DAPK3: variants seen among roughly 807,000 people sequenced by gnomAD.
DAPK3 encodes the protein death associated protein kinase 3.
A neutral mutation model predicts 30.6 loss-of-function variants in DAPK3; 24 were observed. The observed-to-expected ratio is 0.78, with a 90% CI of 0.57 to 1.10. DAPK3 has a LOEUF of 1.10. DAPK3 is among the 50% of genes least tolerant of loss of function. The probability of loss-of-function intolerance (pLI) is 0.00; values close to 1 mark genes in which losing one functional copy is unlikely to be tolerated. For missense variants in DAPK3, 629 were observed against 657.3 expected, an observed-to-expected ratio of 0.96 and a Z score of 0.47; for synonymous variants, 341 against 284.0, an observed-to-expected ratio of 1.20 and a Z score of -2.02.
intron 7 of DAPK3, among the ~76,000 whole-genome samples, chr19:3,960,480 A>T (rs1198411492): frequency 6.6e-6 from 1 of 152,080 alleles, no homozygotes; most frequent in African/African-American, 2.4e-5. Context: ...TTTGCTAAAA[A>T]CACAGCAAGC....
intron 2 of DAPK3, among the ~76,000 whole-genome samples, chr19:3,965,652 C>T (rs535711841): frequency 1.3e-4 from 5 of 37,920 alleles, no homozygotes; most frequent in African/African-American, 7.4e-4. Flanking sequence ...GTGCCAGATC[C>T]GCTTTTTTTG....
chr19:3,962,779 C>T (rs1162667823), intron 6 of DAPK3, among the ~76,000 whole-genome samples: 2 of 91,490 alleles, frequency 2.2e-5, no homozygotes, highest in African/African-American at 9.3e-5. Flanking sequence ...AAGAGCGAAA[C>T]TCTGTCTCAA....
chr19:3,970,507 T>C (rs2039622979), intron 1 of DAPK3: 2 of 148,996 alleles, frequency 1.3e-5, no homozygotes, highest in Admixed American at 6.7e-5. Flanking sequence ...CAACCATCTC[T>C]GACTCCCTCC....
chr19:3,960,242 G>A (rs1319362340), intron 7 of DAPK3, 138 bp from the exon 8 acceptor site: 4 of 631,888 alleles, frequency 6.3e-6, no homozygotes, highest in South Asian at 6.0e-5. Context: ...GCTGAACAAG[G>A]GTACTGCAGG....
intron 6 of DAPK3, chr19:3,961,814 G>T (rs1398430066): frequency 3.8e-6 from 1 of 265,004 alleles, no homozygotes; most frequent in Non-Finnish European, 7.7e-6. Flanking sequence ...CCTCAGAGAG[G>T]ACAGGAGTGG....
intron 2 of DAPK3, among the ~76,000 whole-genome samples, 190 bp downstream of exon 2, chr19:3,969,484 T>C (rs899405312): frequency 6.6e-6 from 1 of 151,958 alleles, no homozygotes. Context: ...ACACAGAGGA[T>C]TCCCAAGCAG....
chr19:3,960,956 G>T, intron 7 of DAPK3, 53 bp downstream of exon 7: 1 of 1,591,718 alleles, frequency 6.3e-7, no homozygotes, highest in South Asian at 1.1e-5. Flanking sequence ...TCCGTGGGTG[G>T]AGTGGGCCTG....
At position 3,958,618 on chromosome 19, in the gene DAPK3, C is replaced by A. The variant is rs1375834386; in HGVS notation, c.*483G>T. On this transcript the variant is annotated 3_prime_UTR_variant, in exon 9 of 9. Coordinates refer to ENST00000545797, the MANE Select transcript of DAPK3 (RefSeq NM_001348.3). The stretch of plus-strand genomic sequence containing the variant: ...CACACAGTGGAAGACCCCACCAAGC[C>A]CGGCGCCACCCAGCAGCGTGGGGAC... 4.8e-6 allele frequency: 2 copies of A among 414,220 alleles called. No individual in the cohort carries two copies. Among genetic ancestry groups the A allele is most frequent in the East Asian group, 1.4e-4 (2 of 14,060 alleles). The allele number at this position is 414,220 out of a possible 1,614,324, so 25.7% of individuals were successfully genotyped here.
chr19:3,969,130 C>T (rs2039609196), intron 2 of DAPK3, among the ~76,000 whole-genome samples: 1 of 151,888 alleles, frequency 6.6e-6, no homozygotes, highest in Admixed American at 6.6e-5. Context: ...AGGATTAACA[C>T]AGGGAGATTT....
rs200471542 is a variant in DAPK3 at position 3,969,655 on chromosome 19, G to A, written c.62+19C>T. On this transcript the variant is annotated intron_variant, in intron 2 of 8. Coordinates refer to ENST00000545797, the MANE Select transcript of DAPK3 (RefSeq NM_001348.3). ...TCTCTCCTATCCCTGGAGCCCAGCC[G>A]TGCGGGCAGACAGCTCACCTGCCCA... The A allele has an allele frequency of 2.4e-5, 38 of 1,559,524 alleles. No individual in the cohort carries two copies. The East Asian group carries it at 6.3e-4, about 26-fold the overall frequency.
chr19:3,964,842 A>T lies in DAPK3; in HGVS notation c.212T>A (p.Ile71Asn). 2 of 1,612,960 alleles carry T rather than the reference A, an allele frequency of 1.2e-6. No individual in the cohort carries two copies. The highest frequency in any genetic ancestry group is 1.7e-6 in the Non-Finnish European group (2 of 1,179,436). The change falls in exon 3 of 9, where the codon ATC (isoleucine) becomes AAC (asparagine). Residue 71 changes from isoleucine to asparagine, a missense_variant. This residue lies in a region of DAPK3 where 306 missense variants were observed against 378.5 expected (regional missense o/e 0.81). Coordinates refer to ENST00000545797, the MANE Select transcript of DAPK3 (RefSeq NM_001348.3). ...CAGGGTGATGATGTTGGGGTGCCGG[A>T]TCTCCCGCAGGATGTTCACCTCCCG... The part of the protein sequence containing the change: ...IEREVNILRE[I>N]RHPNIITLHD...
intron 2 of DAPK3, 99 bp from the exon 3 acceptor site, chr19:3,965,090 G>T (rs111857872): frequency 1.3e-4 from 87 of 673,796 alleles, no homozygotes; most frequent in Non-Finnish European, 2.0e-4. Flanking sequence ...TCTTGGGCGC[G>T]GCCCTGCACC....
At chr19:3,961,699 T>C in intron 6 of DAPK3, 1 of 357,268 alleles carries the variant, frequency 2.8e-6, no homozygotes, top group East Asian at 7.4e-5. Flanking sequence ...GCAAAACACC[T>C]GACCCGTGAG....
intron 2 of DAPK3, among the ~76,000 whole-genome samples, chr19:3,967,092 G>C (rs2039585869): frequency 6.6e-6 from 1 of 152,168 alleles, no homozygotes; most frequent in Admixed American, 6.5e-5. Context: ...CCACAACCCA[G>C]ACACGACCCA....
intron 8 of DAPK3, 46 bp from the exon 9 acceptor site, chr19:3,959,683 GC>G: frequency 6.7e-7 from 1 of 1,485,906 alleles, no homozygotes; most frequent in Non-Finnish European, 8.9e-7. Flanking sequence ...ATGCCACCCA[GC>G]CCCGCCAGCC....
chr19:3,959,586 G>T lies in DAPK3; in HGVS notation c.880C>A (p.Arg294=). 1 of 1,585,472 alleles carries T rather than the reference G, an allele frequency of 6.3e-7. No homozygotes were observed. Among genetic ancestry groups the T allele is most frequent in the Non-Finnish European group, 8.5e-7 (1 of 1,174,698 alleles). Reference sequence around the variant, plus strand: ...AGACGCGTGGTCTTCAGGCGCCGCCGCTCGGGCTTGCGGCCGCTGTCCTCA... The same window carrying T: ...AGACGCGTGGTCTTCAGGCGCCGCCTCTCGGGCTTGCGGCCGCTGTCCTCA... ...RGEDSGRKPE[R]RRLKTTRLKE... The change falls in exon 9 of 9, where the codon CGG becomes AGG. Residue 294 remains arginine (R), a synonymous_variant. Coordinates refer to ENST00000545797, the MANE Select transcript of DAPK3 (RefSeq NM_001348.3).
chr19:3,961,530 G>C (rs970584598), intron 6 of DAPK3: 1 of 509,422 alleles, frequency 2.0e-6, no homozygotes, highest in South Asian at 1.5e-5. Flanking sequence ...AAGGTCAACA[G>C]CCCGGCAGTG....
chr19:3,959,662 G>C, intron 8 of DAPK3, 25 bp from the exon 9 acceptor site: 1 of 1,539,338 alleles, frequency 6.5e-7, no homozygotes, highest in Middle Eastern at 2.0e-4. Context: ...AGCCTGAGCG[G>C]GGTCCCCGCG....
intron 1 of DAPK3, chr19:3,970,704 G>C (rs1262823619): frequency 1.3e-5 from 2 of 152,288 alleles, no homozygotes; most frequent in African/African-American, 2.4e-5. Flanking sequence ...GGCCCCATCT[G>C]AGTCTCCTCC....
Sources: gnomAD v4.1 joint callset for allele counts (sites outside exome capture counted in the v4.1 genomes callset) on GRCh38, gnomAD v4.1.1 for gene constraint, gnomAD v4.1.1 regional missense constraint, MANE v1.5 for transcripts, NCBI Gene and HGNC (gene_info 2026-07-23, HGNC 2026-07-21) for gene names.